Variants in WDFY4 observed in about 807,000 individuals in gnomAD.
WDFY4 encodes WD repeat- and FYVE domain-containing protein 4.
Under a neutral mutation model 351.9 loss-of-function variants are expected in WDFY4, and 169 were observed. That is an observed-to-expected ratio of 0.48 (90% confidence interval 0.42 to 0.55). The LOEUF is 0.55. Among genes scored for constraint, WDFY4 ranks in the 20% least tolerant of loss-of-function variants. The pLI, the probability that WDFY4 is intolerant of heterozygous loss-of-function variation, is 0.00. For synonymous variants in WDFY4, 1,622 were observed against 1,574.6 expected (o/e 1.03, Z -0.71); for missense variants, 3,803 against 3,935.6 (o/e 0.97, Z 0.90).
chr10:48,901,540 C>T (rs1405980004), intron 46 of WDFY4, among the ~76,000 whole-genome samples: 1 of 152,216 alleles, frequency 6.6e-6, no homozygotes, highest in Non-Finnish European at 1.5e-5. Context: ...GGCCCAGAGG[C>T]GGTACCTCAC....
intron 47 of WDFY4, among the ~76,000 whole-genome samples, chr10:48,921,950 C>T (rs1316054064): frequency 1.3e-5 from 2 of 152,144 alleles, no homozygotes; most frequent in African/African-American, 4.8e-5. Context: ...TATCATCTGG[C>T]ATTTTCCCAA....
chr10:48,836,289 A>G (rs1325479114), intron 39 of WDFY4, among the ~76,000 whole-genome samples: 1 of 152,210 alleles, frequency 6.6e-6, no homozygotes, highest in Admixed American at 6.5e-5. Context: ...TTGAAGGTTA[A>G]AGACTCCGTT....
intron 47 of WDFY4, chr10:48,914,056 A>G: frequency 4.3e-6 from 7 of 1,614,208 alleles, no homozygotes; most frequent in Non-Finnish European, 5.9e-6. Context: ...ATCTTGCTCA[A>G]GTCAAGGCGC....
chr10:48,981,128 A>G (rs1465133101), intron 60 of WDFY4, among the ~76,000 whole-genome samples: 1 of 152,256 alleles, frequency 6.6e-6, no homozygotes, highest in Non-Finnish European at 1.5e-5. Flanking sequence ...CCAATTTGGT[A>G]CACAATGGAT....
Position 48,901,657 on chromosome 10 carries a change from C to A in WDFY4, c.7524-144C>A, listed in dbSNP as rs1408798554. On this transcript the variant is annotated intron_variant, in intron 46 of 61. Transcript: ENST00000325239. Reference sequence around the variant, plus strand: ...GGGTTGCCTCAGAGGTACACCCAGGCCTGGTGTTCACGACCTGGGGGCAGG... The same window carrying A: ...GGGTTGCCTCAGAGGTACACCCAGGACTGGTGTTCACGACCTGGGGGCAGG... The A allele has an allele frequency of 2.8e-5, 22 of 785,160 alleles. No homozygotes were observed. The East Asian group carries it at 5.4e-4, about 19-fold the overall frequency. 48.6% of individuals were successfully genotyped at this position (785,160 alleles called of 1,614,324 possible).
chr10:48,933,623 T>C (rs12358781), intron 47 of WDFY4, among the ~76,000 whole-genome samples: 7,349 of 152,260 alleles, frequency 0.048, 250 homozygotes, highest in South Asian at 0.14. Flanking sequence ...AAAAGAAGCA[T>C]GCATGTGTTA....
Position 48,735,979 on chromosome 10 carries a change from C to T in WDFY4, c.1787C>T (p.Ala596Val), listed in dbSNP as rs1256661417. ...CTCAGCATCTTGGAGCAGCTCTCAG[C>T]CATCAACGCCGAGGAGTACATGAGC... is the stretch of plus-strand genomic sequence containing the variant. Reference protein sequence around the residue: ...ASLSILEQLSAINAEEYMSII... With the variant: ...ASLSILEQLSVINAEEYMSII... The change falls in exon 11 of 62, where the codon GCC becomes GTC. Residue 596 changes from alanine to valine, a missense_variant. By Grantham distance (64) the Ala-to-Val change is moderately conservative. Coordinates refer to ENST00000325239, the MANE Select transcript of WDFY4 (RefSeq NM_001394531.1). The T allele has an allele frequency of 6.4e-6, 10 of 1,551,776 alleles. No homozygotes were observed. The highest frequency in any genetic ancestry group is 8.7e-6 in the Non-Finnish European group (10 of 1,147,064).
At chr10:48,834,763 A>G (rs1166313706) in intron 39 of WDFY4, among the ~76,000 whole-genome samples, 1 of 152,106 alleles carries the variant, frequency 6.6e-6, no homozygotes, top group Non-Finnish European at 1.5e-5. Context: ...TCTCATGGGA[A>G]CCCTCACACC....
At chr10:48,868,442 G>T (rs780023598) in intron 40 of WDFY4, among the ~76,000 whole-genome samples, 4 of 152,166 alleles carry the variant, frequency 2.6e-5, no homozygotes, top group Non-Finnish European at 4.4e-5. Flanking sequence ...GGTTGGACAA[G>T]GGTTTTCTCT....
In WDFY4 at chr10:48,976,965, G is replaced by A. The variant is rs1564545513; in HGVS notation, c.9277G>A (p.Asp3093Asn). 2 of 1,477,646 alleles carry A rather than the reference G, an allele frequency of 1.4e-6. No homozygotes were observed. Among genetic ancestry groups the A allele is most frequent in the Non-Finnish European group, 1.8e-6 (2 of 1,105,816 alleles). The allele number at this position is 1,477,646 out of a possible 1,614,324, so 91.5% of individuals were successfully genotyped here. Residue 3093 changes from aspartate (D) to asparagine (N), a missense_variant, in exon 59 of 62, where the codon GAC (aspartate) becomes AAC (asparagine). Asp to Asn is a conservative substitution (Grantham distance 23). This residue lies in a region of WDFY4 where 3,054 missense variants were observed against 3,148.6 expected (regional missense o/e 0.97). Coordinates refer to ENST00000325239, the MANE Select transcript of WDFY4 (RefSeq NM_001394531.1). ...CCAGATCATCATCACCGGGAGTCAA[G>A]ACGGCATGGTCCGGGTAGGTGTGTC... ...TSQIIITGSQ[D>N]GMVRVWKTED... is the part of the protein sequence containing the mutation.
Position 48,796,367 on chromosome 10 carries a change from G to A in WDFY4, c.4327G>A (p.Val1443Met). The part of the protein sequence containing the change: ...NHRIFQLILS[V>M]AGTVELGFRS... ...TCGAATTTTTCAGCTGATCCTCTCA[G>A]TGGCTGGCACTGTGGAGCTGGGCTT... Residue 1443 changes from valine (V) to methionine (M), a missense_variant, in exon 24 of 62, where the codon GTG becomes ATG. Physicochemically the swap from Val to Met is conservative, Grantham distance 21. This residue lies in a region of WDFY4 where 3,054 missense variants were observed against 3,148.6 expected (regional missense o/e 0.97). Transcript: ENST00000325239. 6.4e-7 allele frequency: 1 copy of A among 1,552,348 alleles called. No individual in the cohort carries two copies. The highest frequency in any genetic ancestry group is 1.2e-5 in the South Asian group (1 of 84,068).
intron 39 of WDFY4, among the ~76,000 whole-genome samples, chr10:48,857,450 G>C (rs548392610): frequency 9.9e-5 from 15 of 151,190 alleles, no homozygotes; most frequent in African/African-American, 3.4e-4. Context: ...GTTTACTATT[G>C]CTTTTTGGGG....
rs1030909855 is a variant in WDFY4 at position 48,779,966 on chromosome 10, C to T, written c.3423C>T (p.Ser1141=). The change falls in exon 19 of 62, where the codon TCC becomes TCT. Residue 1141 remains serine, a synonymous_variant. Transcript: ENST00000325239. ...PLDVMEPEDD[S]EPSAGCQLQV... Reference sequence around the variant, plus strand: ...ATGTCATGGAACCTGAGGATGACTCCGAGCCTTCTGCAGGATGCCAGCTTC... The same window carrying T: ...ATGTCATGGAACCTGAGGATGACTCTGAGCCTTCTGCAGGATGCCAGCTTC... 30 of 1,551,716 alleles carry T rather than the reference C, an allele frequency of 1.9e-5. No individual in the cohort carries two copies. Among genetic ancestry groups the T allele is most frequent in the Admixed American group, 9.8e-5 (5 of 50,998 alleles).
intron 37 of WDFY4, 106 bp from the exon 38 acceptor site, chr10:48,830,594 A>T: frequency 1.6e-6 from 2 of 1,264,040 alleles, no homozygotes; most frequent in Non-Finnish European, 2.2e-6. Context: ...TCAAGACCTT[A>T]AGTGAGAAGG....
In WDFY4 at chr10:48,684,956, G is replaced by C. The variant is rs1049053586; in HGVS notation, c.-63G>C. 3.2e-4 allele frequency: 49 copies of C among 152,582 alleles called. No homozygotes were observed. The highest frequency in any genetic ancestry group is 1.2e-3 in the African/African-American group (49 of 41,478). 9.5% of individuals were successfully genotyped at this position (152,582 alleles called of 1,614,324 possible). ...GAGGGGCTGCAGCTGGGGATAGGGG[G>C]CCCATGCCTTCTGATGTCTACAGGC... On this transcript the variant is annotated 5_prime_UTR_variant, in exon 1 of 62. Transcript: ENST00000325239.
At chr10:48,938,908 C>G (rs1214476254) in intron 47 of WDFY4, among the ~76,000 whole-genome samples, 1 of 152,144 alleles carries the variant, frequency 6.6e-6, no homozygotes, top group Non-Finnish European at 1.5e-5. Context: ...GTGATGTCCC[C>G]TGTATGTCCG....
At chr10:48,770,431 T>C (rs1327748494) in intron 13 of WDFY4, among the ~76,000 whole-genome samples, 1 of 152,234 alleles carries the variant, frequency 6.6e-6, no homozygotes, top group African/African-American at 2.4e-5. Flanking sequence ...TTAATTCTTT[T>C]GAATAATACA....
At chr10:48,787,848 C>CTTCTTCTTCTTCTTCT (rs1589608549) in intron 20 of WDFY4, among the ~76,000 whole-genome samples, 1 of 136,166 alleles carries the variant, frequency 7.3e-6, no homozygotes, top group African/African-American at 3.2e-5. Flanking sequence ...TCTTCTTCTT[C>CTTCTTCTTCTTCTTCT]TTCTTCTTCT....
At chr10:48,727,722 A>G in intron 7 of WDFY4, 63 bp downstream of exon 7, 1 of 1,521,262 alleles carries the variant, frequency 6.6e-7, no homozygotes, top group Non-Finnish European at 8.9e-7. Context: ...CCTCAGAATC[A>G]TTGGGGTGCT....
Sources: gnomAD v4.1 joint callset for allele counts (sites outside exome capture counted in the v4.1 genomes callset) on GRCh38, gnomAD v4.1.1 for gene constraint, gnomAD v4.1.1 regional missense constraint, MANE v1.5 for transcripts, NCBI Gene and HGNC (gene_info 2026-07-23, HGNC 2026-07-21) for gene names.